Variants in EFNA1 observed in about 807,000 individuals in gnomAD.
EFNA1 encodes ephrin-A1.
In EFNA1, 8 loss-of-function variants were observed where a neutral mutation model predicts 23.2. That is an observed-to-expected ratio of 0.34 (90% CI 0.20 to 0.62). EFNA1 has a LOEUF of 0.62. Among genes scored for constraint, EFNA1 ranks in the 20% least tolerant of loss-of-function variants. The pLI is 0.75. For synonymous variants in EFNA1, 89 were observed against 98.6 expected (o/e 0.90, Z 0.58); for missense variants, 217 against 260.0 (o/e 0.83, Z 1.14).
chr1:155,133,909 T>C (rs1378674675), intron 4 of EFNA1, 46 bp from the exon 5 acceptor site: 5 of 1,607,454 alleles, frequency 3.1e-6, no homozygotes, highest in South Asian at 2.2e-5. Flanking sequence ...CCAGTACAAA[T>C]AGTGGAGCCA....
chr1:155,134,681 G>A lies in EFNA1; in HGVS notation c.*614G>A, dbSNP rs1664338951. 1 of 168,714 alleles carries A rather than the reference G, an allele frequency of 5.9e-6. No individual in the cohort carries two copies. Among genetic ancestry groups the A allele is most frequent in the African/African-American group, 2.4e-5 (1 of 41,570 alleles). 10.5% of individuals were successfully genotyped at this position (168,714 alleles called of 1,614,324 possible). On this transcript the variant is annotated 3_prime_UTR_variant, in exon 5 of 5. Coordinates refer to ENST00000368407, the MANE Select transcript of EFNA1 (RefSeq NM_004428.3). ...GGGGCTGTGCCAACCTGTTCTTAGA[G>A]TGTAGCTGTAAGGGCAGTGCCCATG...
chr1:155,130,125 G>A (rs898101052), intron 1 of EFNA1, among the ~76,000 whole-genome samples: 12 of 152,230 alleles, frequency 7.9e-5, no homozygotes, highest in African/African-American at 2.9e-4. Flanking sequence ...CTGCTGCAAA[G>A]CCTGGCCTCT....
In EFNA1 at chr1:155,134,198, C is replaced by A; in HGVS notation, c.*131C>A. On this transcript the variant is annotated 3_prime_UTR_variant, in exon 5 of 5. Coordinates refer to ENST00000368407, the MANE Select transcript of EFNA1 (RefSeq NM_004428.3). ...CTCCCACCACAGGCATAAGCTATCACCTAGCAGCCTCAAAACGGGTCAGTA... is the reference window on the plus strand; with the variant it reads ...CTCCCACCACAGGCATAAGCTATCAACTAGCAGCCTCAAAACGGGTCAGTA... 1 of 884,070 alleles carries A rather than the reference C, an allele frequency of 1.1e-6. No homozygotes were observed. The highest frequency in any genetic ancestry group is 1.8e-6 in the Non-Finnish European group (1 of 565,384). The allele number at this position is 884,070 out of a possible 1,614,324, so 54.8% of individuals were successfully genotyped here. A position where few individuals can be genotyped will look rare whatever the true frequency, so the allele number is the denominator to read the frequency against.
Position 155,133,798 on chromosome 1 carries a change from A to C in EFNA1, c.505+18A>C. The C allele has an allele frequency of 6.2e-7, 1 of 1,613,996 alleles. No homozygotes were observed. Among genetic ancestry groups the C allele is most frequent in the Non-Finnish European group, 8.5e-7 (1 of 1,179,962 alleles). The stretch of plus-strand genomic sequence containing the variant: ...TGCAGCAGGTGGGTAGCTGGAGCAA[A>C]CTGGGCCTGGGGCACAGGAAGGGGT... On this transcript the variant is annotated intron_variant, in intron 4 of 4. Coordinates refer to ENST00000368407, the MANE Select transcript of EFNA1 (RefSeq NM_004428.3).
chr1:155,130,730 G>A (rs1664222680), intron 1 of EFNA1: 2 of 985,346 alleles, frequency 2.0e-6, no homozygotes, highest in Non-Finnish European at 2.4e-6. Flanking sequence ...AAGGACTGGG[G>A]CATTATCTGT....
chr1:155,130,621 G>A, intron 1 of EFNA1: 2 of 985,342 alleles, frequency 2.0e-6, no homozygotes, highest in Non-Finnish European at 2.4e-6. Context: ...GTTTTGGGGT[G>A]CTCTGAGAAG....
In EFNA1 at chr1:155,134,154, C is replaced by T. The variant is rs974521537; in HGVS notation, c.*87C>T. ...ACCTGTCTTGGGGCCACTTTCAGAG[C>T]CCCCAGCCCTGGGAACCACTCCCAC... On this transcript the variant is annotated 3_prime_UTR_variant, in exon 5 of 5. Transcript: ENST00000368407. 5.2e-6 allele frequency: 7 copies of T among 1,339,064 alleles called. No individual in the cohort carries two copies. Among genetic ancestry groups the T allele is most frequent in the Non-Finnish European group, 6.3e-6 (6 of 957,714 alleles). The allele number at this position is 1,339,064 out of a possible 1,614,324, so 82.9% of individuals were successfully genotyped here. A position where few individuals can be genotyped will look rare whatever the true frequency, so the allele number is the denominator to read the frequency against.
At chr1:155,128,205 C>T (rs199777872) in intron 1 of EFNA1, 136 bp downstream of exon 1, 149 of 728,108 alleles carry the variant, frequency 2.0e-4, no homozygotes, top group Middle Eastern at 9.5e-4. Flanking sequence ...ATTTTCCTCC[C>T]CTCACTTCTC....
intron 2 of EFNA1, among the ~76,000 whole-genome samples, chr1:155,131,913 T>C (rs1221227347): frequency 6.6e-6 from 1 of 152,122 alleles, no homozygotes; most frequent in Non-Finnish European, 1.5e-5. Flanking sequence ...AACAGTGTGC[T>C]ACAGTAGACA....
Position 155,132,281 on chromosome 1 carries a change from T to C in EFNA1, c.388+647T>C, listed in dbSNP as rs192830508. 2.9e-3 allele frequency among the ~76,000 whole-genome samples: 448 copies of C among 152,164 alleles called. 3 individuals carry two copies. Among genetic ancestry groups the C allele is most frequent in the African/African-American group, 1.0e-2 (415 of 41,526 alleles). ...TATTACTCTTGAGATGGAGTTTCAC[T>C]CTTGTCGCCCAGGCTGGAGTGCAGT... On this transcript the variant is annotated intron_variant, in intron 2 of 4. Transcript: ENST00000368407.
rs774740181 is a variant in EFNA1, at chr1:155,133,977, A to G, written c.528A>G (p.Leu176=). The G allele has an allele frequency of 1.2e-6, 2 of 1,614,100 alleles. No homozygotes were observed. The highest frequency in any genetic ancestry group is 2.2e-5 in the East Asian group (1 of 44,866). The change falls in exon 5 of 5, where the codon CTA becomes CTG. Residue 176 remains leucine, a synonymous_variant. Coordinates refer to ENST00000368407, the MANE Select transcript of EFNA1 (RefSeq NM_004428.3). Reference sequence around the variant, plus strand: ...CAGATGACCCAGAGGTGCGGGTTCTACATAGCATCGGTCACAGTGCTGCCC... The same window carrying G: ...CAGATGACCCAGAGGTGCGGGTTCTGCATAGCATCGGTCACAGTGCTGCCC... ...LAADDPEVRV[L]HSIGHSAAPR...
At chr1:155,128,401 A>AC (rs1180377953) in intron 1 of EFNA1, among the ~76,000 whole-genome samples, 69 of 111,460 alleles carry the variant, frequency 6.2e-4, no homozygotes, top group Admixed American at 1.1e-3. Context: ...CAGGCCCCCC[A>AC]CCCCCCCACT....
chr1:155,128,101 G>C (rs1365015828), intron 1 of EFNA1, 32 bp downstream of exon 1: 15 of 1,594,374 alleles, frequency 9.4e-6, no homozygotes, highest in Non-Finnish European at 1.2e-5. Flanking sequence ...GGCAGCCTGG[G>C]CTCCCGGCTG....
chr1:155,129,245 C>A (rs1008272481), intron 1 of EFNA1, among the ~76,000 whole-genome samples: 7 of 152,100 alleles, frequency 4.6e-5, no homozygotes, highest in Admixed American at 1.3e-4. Context: ...TGGGAGAGAG[C>A]AAAGTCCCTG....
chr1:155,131,391 A>G lies in EFNA1; in HGVS notation c.145A>G (p.Ile49Val), dbSNP rs374457600. The part of the protein sequence containing the change: ...IHVQLNDYVD[I>V]ICPHYEDHSV... The stretch of plus-strand genomic sequence containing the variant: ...TGTGCAGCTGAATGACTACGTGGAC[A>G]TCATCTGTCCGCACTATGAAGATCA... Residue 49 changes from isoleucine to valine, a missense_variant, in exon 2 of 5, where the codon ATC (isoleucine) becomes GTC (valine). Coordinates refer to ENST00000368407, the MANE Select transcript of EFNA1 (RefSeq NM_004428.3). 93 of 1,614,052 alleles carry G rather than the reference A, an allele frequency of 5.8e-5. No individual in the cohort carries two copies. The highest frequency in any genetic ancestry group is 7.6e-5 in the Non-Finnish European group (90 of 1,180,014).
intron 2 of EFNA1, among the ~76,000 whole-genome samples, chr1:155,132,699 G>A (rs71517779): frequency 1.3e-5 from 2 of 151,508 alleles, no homozygotes; most frequent in South Asian, 2.1e-4. Flanking sequence ...GTGTGGTGGC[G>A]CACTTCTGTA....
chr1:155,130,372 A>C, intron 1 of EFNA1: 1 of 317,088 alleles, frequency 3.2e-6, no homozygotes, highest in Non-Finnish European at 4.5e-6. Context: ...AGGTGTCTGG[A>C]GCTGGTGGGG....
chr1:155,133,689 T>C (rs920217009), intron 3 of EFNA1, 41 bp from the exon 4 acceptor site: 3 of 1,612,690 alleles, frequency 1.9e-6, no homozygotes, highest in Middle Eastern at 1.6e-4. Context: ...CCTCTGCCTC[T>C]TTGATACAGT....
intron 1 of EFNA1, chr1:155,130,947 C>T (rs1214017357): frequency 2.0e-6 from 2 of 985,168 alleles, no homozygotes; most frequent in Admixed American, 6.2e-5. Context: ...TGAGGCCTAA[C>T]AGCATTTAAA....
Sources: allele counts gnomAD v4.1 joint callset (sites outside exome capture counted in the v4.1 genomes callset), GRCh38; gene constraint gnomAD v4.1.1; transcripts MANE v1.5; gene names NCBI Gene and HGNC (gene_info 2026-07-23, HGNC 2026-07-21).